The following ABHD2 variants were observed in gnomAD, a reference collection of about 807,000 sequenced individuals.
ABHD2 encodes abhydrolase domain containing 2, acylglycerol lipase, also known as monoacylglycerol lipase ABHD2.
Under a neutral mutation model 48.1 loss-of-function variants are expected in ABHD2, and 20 were observed. That is an observed-to-expected ratio of 0.42 (90% CI 0.29 to 0.60). The LOEUF (loss-of-function observed/expected upper bound fraction) is 0.60. Among genes scored for constraint, ABHD2 ranks in the 20% least tolerant of loss-of-function variants. ABHD2 has a pLI of 0.24. For missense variants in ABHD2, 405 were observed against 550.9 expected (o/e 0.74, Z 2.65); for synonymous variants, 209 against 214.2 (o/e 0.98, Z 0.21).
Position 89,188,712 on chromosome 15 carries a change from A to G in ABHD2, c.926+409A>G, listed in dbSNP as rs2051254875. Among the ~76,000 whole-genome samples, 1 of 152,118 alleles carries G rather than the reference A, an allele frequency of 6.6e-6. No individual in the cohort carries two copies. Among genetic ancestry groups the G allele is most frequent in the African/African-American group, 2.4e-5 (1 of 41,430 alleles). On this transcript the variant is annotated intron_variant, in intron 8 of 10. Transcript: ENST00000352732. This position sits in a 1 kb window ranked among gnomAD's most constrained non-coding sequence, Gnocchi z 4.1. ...ACTTCTTGTACTTCTCTGTGTCTCT[A>G]ACAAGAGTAGAAAAACTGGCTGGGG... is the stretch of plus-strand genomic sequence containing the variant.
rs1419410348 is a variant in ABHD2, at chr15:89,174,580, G to A, written c.539-1232G>A. Reference sequence around the variant, plus strand: ...CAAAAGATACTTTCCCCCATGGCTTGATGATTAGGGAAGGAGCTGTTCAAC... The same window carrying A: ...CAAAAGATACTTTCCCCCATGGCTTAATGATTAGGGAAGGAGCTGTTCAAC... On this transcript the variant is annotated intron_variant, in intron 5 of 10. Coordinates refer to ENST00000352732, the MANE Select transcript of ABHD2 (RefSeq NM_152924.5). The surrounding 1 kb of genome is among the most constrained non-coding windows in gnomAD (Gnocchi z 4.1). 6.6e-6 allele frequency among the ~76,000 whole-genome samples: 1 copy of A among 152,212 alleles called. No homozygotes were observed. Among genetic ancestry groups the A allele is most frequent in the Non-Finnish European group, 1.5e-5 (1 of 68,044 alleles).
At chr15:89,098,815 G>A (rs1299272554) in intron 1 of ABHD2, among the ~76,000 whole-genome samples, 1 of 152,150 alleles carries the variant, frequency 6.6e-6, no homozygotes, top group Non-Finnish European at 1.5e-5. Context: ...TCTGGATGTT[G>A]CACTGACATC....
At chr15:89,191,034 C>A in intron 8 of ABHD2, 46 bp from the exon 9 acceptor site, 1 of 1,591,596 alleles carries the variant, frequency 6.3e-7, no homozygotes, top group Non-Finnish European at 8.6e-7. Context: ...TCTTAAAGAC[C>A]AATGTTTTGT....
At chr15:89,180,169 G>T (rs779499844) in intron 6 of ABHD2, among the ~76,000 whole-genome samples, 2 of 152,166 alleles carry the variant, frequency 1.3e-5, no homozygotes, top group Non-Finnish European at 2.9e-5. Flanking sequence ...CTCTATGGAC[G>T]GAACCTCACC....
intron 3 of ABHD2, among the ~76,000 whole-genome samples, chr15:89,138,654 C>T (rs1163561455): frequency 6.6e-6 from 1 of 152,140 alleles, no homozygotes; most frequent in Non-Finnish European, 1.5e-5. Flanking sequence ...GTGAAGACCA[C>T]TGTAGAGAAG....
chr15:89,162,189 A>G (rs1429828087), intron 5 of ABHD2, among the ~76,000 whole-genome samples: 2 of 152,202 alleles, frequency 1.3e-5, no homozygotes, highest in African/African-American at 4.8e-5. Context: ...TATTCAGCCC[A>G]TAACATAACA....
At chr15:89,124,597 T>C (rs1489077745) in intron 3 of ABHD2, among the ~76,000 whole-genome samples, 1 of 152,242 alleles carries the variant, frequency 6.6e-6, no homozygotes, top group Non-Finnish European at 1.5e-5. Context: ...CTTTGTCCTT[T>C]TCACAGGATA....
chr15:89,192,263 G>T (rs1389406750), intron 9 of ABHD2, among the ~76,000 whole-genome samples: 1 of 152,148 alleles, frequency 6.6e-6, no homozygotes. Context: ...CGTCATTTAA[G>T]CCATTGTAGG....
chr15:89,197,307 T>C lies in ABHD2; in HGVS notation c.*1884T>C, dbSNP rs1277962856. 6.5e-6 allele frequency: 1 copy of C among 152,690 alleles called. No homozygotes were observed. The highest frequency in any genetic ancestry group is 2.4e-5 in the African/African-American group (1 of 41,470). The allele number at this position is 152,690 out of a possible 1,614,324, so 9.5% of individuals were successfully genotyped here. A position where few individuals can be genotyped will look rare whatever the true frequency, so the allele number is the denominator to read the frequency against. ...ACTCACCAGCCTCTATCATTATGAC[T>C]TTCCCCCCAGTGTATTATTTCTCTA... is the stretch of plus-strand genomic sequence containing the variant. On this transcript the variant is annotated 3_prime_UTR_variant, in exon 11 of 11. Coordinates refer to ENST00000352732, the MANE Select transcript of ABHD2 (RefSeq NM_152924.5). This position sits in a 1 kb window ranked among gnomAD's most constrained non-coding sequence, Gnocchi z 4.4.
chr15:89,132,549 A>G (rs1278073447), intron 3 of ABHD2, among the ~76,000 whole-genome samples: 1 of 152,246 alleles, frequency 6.6e-6, no homozygotes, highest in Non-Finnish European at 1.5e-5. Flanking sequence ...CAAAAATGAG[A>G]ATATTTTTGC....
chr15:89,122,454 T>C (rs946847031), intron 3 of ABHD2, among the ~76,000 whole-genome samples: 2 of 152,232 alleles, frequency 1.3e-5, no homozygotes, highest in African/African-American at 4.8e-5. Context: ...AGACGCCATG[T>C]GTGCCTGCCC....
Position 89,201,455 on chromosome 15 carries a change from G to A in ABHD2, c.*6032G>A. 1 of 1,430,294 alleles carries A rather than the reference G, an allele frequency of 7.0e-7. No homozygotes were observed. Among genetic ancestry groups the A allele is most frequent in the Non-Finnish European group, 9.8e-7 (1 of 1,021,452 alleles). 88.6% of individuals were successfully genotyped at this position (1,430,294 alleles called of 1,614,324 possible). ...CATTTGGAATCCATTAATTCATGAG[G>A]TTTTGCCTCATTCCACACAGCTTCC... On this transcript the variant is annotated 3_prime_UTR_variant, in exon 11 of 11. Coordinates refer to ENST00000352732, the MANE Select transcript of ABHD2 (RefSeq NM_152924.5).
chr15:89,195,342 G>T lies in ABHD2; in HGVS notation c.1197G>T (p.Glu399Asp). 1 of 1,614,262 alleles carries T rather than the reference G, an allele frequency of 6.2e-7. No individual in the cohort carries two copies. The highest frequency in any genetic ancestry group is 1.7e-5 in the Admixed American group (1 of 60,038). ...PLTWMDKLVV[E>D]YANAICQWER... is the part of the protein sequence containing the mutation. ...CATGGATGGATAAGCTGGTGGTGGA[G>T]TACGCCAACGCCATTTGCCAATGGG... is the stretch of plus-strand genomic sequence containing the variant. The change falls in exon 11 of 11, where the codon GAG becomes GAT. Residue 399 changes from glutamate (E) to aspartate (D), a missense_variant. Glu to Asp is a conservative substitution (Grantham distance 45). Coordinates refer to ENST00000352732, the MANE Select transcript of ABHD2 (RefSeq NM_152924.5). This position sits in a 1 kb window ranked among gnomAD's most constrained non-coding sequence, Gnocchi z 5.1.
intron 1 of ABHD2, among the ~76,000 whole-genome samples, chr15:89,105,504 C>T (rs535551613): frequency 1.6e-4 from 24 of 152,314 alleles, no homozygotes; most frequent in Non-Finnish European, 2.8e-4. Context: ...AGTAGGTTTG[C>T]ACAGAAAGAC....
chr15:89,151,824 C>G lies in ABHD2; in HGVS notation c.342C>G (p.Phe114Leu), dbSNP rs540498648. The G allele has an allele frequency of 8.1e-6, 13 of 1,614,030 alleles. No individual in the cohort carries two copies. Among genetic ancestry groups the G allele is most frequent in the African/African-American group, 2.7e-5 (2 of 74,928 alleles). The part of the protein sequence containing the change: ...SDGATSTFDL[F>L]EPLAEHCVGD... Reference sequence around the variant, plus strand: ...GAGCCACTTCTACATTCGACCTCTTCGAGCCCTTGGCTGAGCACTGTGTTG... The same window carrying G: ...GAGCCACTTCTACATTCGACCTCTTGGAGCCCTTGGCTGAGCACTGTGTTG... The change falls in exon 4 of 11, where the codon TTC becomes TTG. Residue 114 changes from phenylalanine (F) to leucine (L), a missense_variant. Coordinates refer to ENST00000352732, the MANE Select transcript of ABHD2 (RefSeq NM_152924.5). The surrounding 1 kb of genome is among the most constrained non-coding windows in gnomAD (Gnocchi z 4.7).
chr15:89,136,486 C>A, intron 3 of ABHD2: 1 of 412,584 alleles, frequency 2.4e-6, no homozygotes, highest in Admixed American at 2.7e-5. Context: ...TTAGGGTCTC[C>A]TTTGCCCATG....
At chr15:89,057,420 G>T in the ABHD2 span, among the ~76,000 whole-genome samples, 4 of 152,170 alleles carry the variant, frequency 2.6e-5, no homozygotes, top group Non-Finnish European at 4.4e-5. Context: ...TAGGGCAGGG[G>T]TTACACAGTG....
At chr15:89,193,462 T>A in intron 10 of ABHD2, 143 bp downstream of exon 10, 2 of 688,870 alleles carry the variant, frequency 2.9e-6, no homozygotes, top group Non-Finnish European at 5.1e-6. Flanking sequence ...TTATTCTGTG[T>A]AGCCTGATAG....
At chr15:89,063,342 G>A in the ABHD2 span, among the ~76,000 whole-genome samples, 1 of 151,998 alleles carries the variant, frequency 6.6e-6, no homozygotes, top group East Asian at 1.9e-4. Flanking sequence ...TATTACATAT[G>A]AAAAATTTGC....
Sources: allele counts gnomAD v4.1 joint callset (sites outside exome capture counted in the v4.1 genomes callset), GRCh38; gene constraint gnomAD v4.1.1; non-coding constraint Gnocchi (gnomAD v3.1); transcripts MANE v1.5; gene names NCBI Gene and HGNC (gene_info 2026-07-23, HGNC 2026-07-21).